MCF2L2: variants seen among roughly 807,000 people sequenced by gnomAD.
The protein encoded by MCF2L2 is MCF.2 cell line derived transforming sequence-like 2, also known as probable guanine nucleotide exchange factor MCF2L2.
MCF2L2 carries 102 observed loss-of-function variants against 150.2 expected under a neutral mutation model. The ratio of observed to expected loss-of-function variants is 0.68; its 90% CI spans 0.58 to 0.80. The LOEUF is 0.80. MCF2L2 is among the 30% of genes least tolerant of loss of function. MCF2L2 has a pLI of 0.00. For missense variants in MCF2L2, 1,256 were observed against 1,372.8 expected (o/e 0.91, Z 1.34); for synonymous variants, 465 against 491.3 (o/e 0.95, Z 0.71).
intron 14 of MCF2L2, among the ~76,000 whole-genome samples, chr3:183,280,217 C>T (rs77467671): frequency 0.026 from 3,899 of 152,052 alleles, 170 homozygotes; most frequent in African/African-American, 0.087. Flanking sequence ...CTTCTTACAT[C>T]TTTCCAAAAC....
chr3:183,292,556 T>TACACACAC lies in MCF2L2; in HGVS notation c.1675+2736_1675+2743dup, dbSNP rs58788215. On this transcript the variant is annotated intron_variant, in intron 13 of 29. Transcript: ENST00000328913. Reference sequence around the variant, plus strand: ...CAGAAATGGTGAATAAGGGGGTATGTACACACACACACACACACACACACA... The same window carrying TACACACAC: ...CAGAAATGGTGAATAAGGGGGTATGTACACACACACACACACACACACACACACACACA... 5.9e-3 allele frequency among the ~76,000 whole-genome samples: 859 copies of TACACACAC among 145,564 alleles called. 8 individuals are homozygous for TACACACAC. Among genetic ancestry groups the TACACACAC allele is most frequent in the African/African-American group, 0.021 (817 of 39,752 alleles).
chr3:183,280,653 A>G (rs948355809), intron 14 of MCF2L2, among the ~76,000 whole-genome samples: 4 of 152,096 alleles, frequency 2.6e-5, no homozygotes, highest in Non-Finnish European at 5.9e-5. Flanking sequence ...GTTCGAGATC[A>G]GCCTGGCCAA....
rs1728436856 is a variant in MCF2L2, at chr3:183,295,335, C to T, written c.1640G>A (p.Trp547Ter). 6.2e-7 allele frequency: 1 copy of T among 1,611,658 alleles called. No individual in the cohort carries two copies. The highest frequency in any genetic ancestry group is 1.7e-5 in the Admixed American group (1 of 59,280). ...VAPHPESSPK[W>*]VSSKTSQPST... ...GGGCTGGCTGGTTTTTGATGACACC[C>T]ATTTTGGTGAAGACTCAGGATGTGG... Residue 547 changes from tryptophan to a stop codon, truncating the protein, a stop_gained, in exon 13 of 30, where the codon TGG becomes TAG. Coordinates refer to ENST00000328913, the MANE Select transcript of MCF2L2 (RefSeq NM_015078.4). LOFTEE classifies it high-confidence loss of function.
chr3:183,286,955 A>T (rs551823691), intron 14 of MCF2L2, among the ~76,000 whole-genome samples: 1 of 152,310 alleles, frequency 6.6e-6, no homozygotes, highest in South Asian at 2.1e-4. Context: ...CAGTACCCAT[A>T]CTGTTTGGTG....
At position 183,229,753 on chromosome 3, in the gene MCF2L2, C is replaced by T. The variant is rs1723477803; in HGVS notation, c.1958G>A (p.Trp653Ter). Residue 653 changes from tryptophan (W) to a stop codon, truncating the protein, a stop_gained, in exon 17 of 30, where the codon TGG becomes TAG. Coordinates refer to ENST00000328913, the MANE Select transcript of MCF2L2 (RefSeq NM_015078.4). LOFTEE classifies it high-confidence loss of function. The stretch of plus-strand genomic sequence containing the variant: ...AACATCTGGAATTAGATGCTTTAGC[C>T]AAATAAAATCCATTGGAGTGATATA... ...DGYITPMDFI[W>*]LKHLIPDVLQ... is the part of the protein sequence containing the mutation. 1 of 1,592,744 alleles carries T rather than the reference C, an allele frequency of 6.3e-7. No individual in the cohort carries two copies. Among genetic ancestry groups the T allele is most frequent in the Non-Finnish European group, 8.6e-7 (1 of 1,162,598 alleles).
In MCF2L2 at chr3:183,224,194, G is replaced by C; in HGVS notation, c.2116-4C>G. On this transcript the variant is annotated splice_region_variant and splice_polypyrimidine_tract_variant and intron_variant, in intron 18 of 29. Transcript: ENST00000328913. ...AATATATCTGAAGATCTTCTTTCTA[G>C]GTGGGAAAAAATTAGAATAAATTAA... 1 of 1,596,194 alleles carries C rather than the reference G, an allele frequency of 6.3e-7. No homozygotes were observed. The highest frequency in any genetic ancestry group is 8.6e-7 in the Non-Finnish European group (1 of 1,164,320).
At chr3:183,216,373 C>T (rs900792542) in intron 21 of MCF2L2, among the ~76,000 whole-genome samples, 1 of 145,980 alleles carries the variant, frequency 6.9e-6, no homozygotes, top group Non-Finnish European at 1.5e-5. Context: ...ACATAAGAAA[C>T]ATATAGAATT....
chr3:183,214,841 A>G (rs13317410), intron 22 of MCF2L2, among the ~76,000 whole-genome samples: 5,547 of 151,698 alleles, frequency 0.037, 317 homozygotes, highest in African/African-American at 0.13. Flanking sequence ...AAAAAAAAAA[A>G]AAAATTAGCA....
At chr3:183,225,970 A>G (rs959993686) in intron 18 of MCF2L2, 1 of 152,200 alleles carries the variant, frequency 6.6e-6, no homozygotes, top group African/African-American at 2.4e-5. Flanking sequence ...AACATGATAA[A>G]TCGGGTTTCC....
intron 15 of MCF2L2, chr3:183,272,823 A>G (rs1726898528): frequency 8.2e-7 from 1 of 1,219,062 alleles, no homozygotes; most frequent in Non-Finnish European, 1.0e-6. Context: ...TAAGGTTGCC[A>G]TTGGTTGAAA....
intron 1 of MCF2L2, among the ~76,000 whole-genome samples, chr3:183,398,037 A>G (rs554004914): frequency 5.4e-4 from 82 of 152,316 alleles, no homozygotes; most frequent in African/African-American, 1.7e-3. Context: ...TTATATGTAT[A>G]TATGTATAGA....
At chr3:183,273,028 C>G in intron 15 of MCF2L2, 1 of 1,483,784 alleles carries the variant, frequency 6.7e-7, no homozygotes, top group South Asian at 1.4e-5. Context: ...CTAGATGATT[C>G]CTTCATCACA....
At chr3:183,222,970 A>C (rs1398445726) in intron 20 of MCF2L2, among the ~76,000 whole-genome samples, 4 of 152,218 alleles carry the variant, frequency 2.6e-5, no homozygotes, top group African/African-American at 4.8e-5. Flanking sequence ...TCAGTGCTGC[A>C]AAAGGATAGA....
At chr3:183,339,838 T>C (rs896010985) in intron 4 of MCF2L2, among the ~76,000 whole-genome samples, 5 of 152,152 alleles carry the variant, frequency 3.3e-5, no homozygotes, top group Non-Finnish European at 7.4e-5. Context: ...TAGGTATCAG[T>C]ATTTTCAACG....
intron 25 of MCF2L2, among the ~76,000 whole-genome samples, chr3:183,199,610 ATTT>A (rs1285960178): frequency 2.0e-5 from 3 of 147,810 alleles, no homozygotes; most frequent in Non-Finnish European, 4.5e-5. Flanking sequence ...GAATATCGAA[ATTT>A]TTTTTTCCTT....
At chr3:183,315,184 C>G (rs1348119231) in intron 7 of MCF2L2, among the ~76,000 whole-genome samples, 1 of 151,602 alleles carries the variant, frequency 6.6e-6, no homozygotes, top group Non-Finnish European at 1.5e-5. Flanking sequence ...TGATCCACCC[C>G]CGCCTCGGCC....
chr3:183,334,960 G>A (rs1730414694), intron 5 of MCF2L2, among the ~76,000 whole-genome samples: 1 of 151,428 alleles, frequency 6.6e-6, no homozygotes, highest in Admixed American at 6.6e-5. Context: ...TTTAAAAATA[G>A]CCTGCATGGT....
chr3:183,206,975 GAGGGAGGGAGGGAGGAAGGA>G (rs1722513531), intron 23 of MCF2L2, among the ~76,000 whole-genome samples: 630 of 12,490 alleles, frequency 0.05, 7 homozygotes, highest in African/African-American at 0.12. Flanking sequence ...GGAAGGAAGG[GAGGGAGGGAGGGAGGAAGGA>G]AGGGAGGGAG....
At chr3:183,208,271 C>T (rs150033677) in intron 22 of MCF2L2, among the ~76,000 whole-genome samples, 238 of 152,336 alleles carry the variant, frequency 1.6e-3, no homozygotes, top group Admixed American at 2.6e-3. Context: ...GTTCCATCTG[C>T]ATCCTAACTT....
Sources: allele counts gnomAD v4.1 joint callset (sites outside exome capture counted in the v4.1 genomes callset), GRCh38; gene constraint gnomAD v4.1.1; transcripts MANE v1.5; gene names NCBI Gene and HGNC (gene_info 2026-07-23, HGNC 2026-07-21).